SEMA5A: variants seen among roughly 807,000 people sequenced by gnomAD.
The protein encoded by SEMA5A is semaphorin-5A.
A neutral mutation model predicts 135.5 loss-of-function variants in SEMA5A; 55 were observed. That is an observed-to-expected ratio of 0.41 (90% CI 0.33 to 0.51). SEMA5A has a LOEUF of 0.51. Ranked by LOEUF, SEMA5A falls within the 20% of genes least tolerant of loss-of-function variation. SEMA5A has a pLI of 0.37. For synonymous variants in SEMA5A, 580 were observed against 546.5 expected, an observed-to-expected ratio of 1.06 and a Z score of -0.85; for missense variants, 1,290 against 1,419.9, an observed-to-expected ratio of 0.91 and a Z score of 1.47.
At chr5:9,166,235 G>T (rs1042040130) in intron 11 of SEMA5A, among the ~76,000 whole-genome samples, 2 of 152,134 alleles carry the variant, frequency 1.3e-5, no homozygotes, top group African/African-American at 4.8e-5. Context: ...TGACCCTGTT[G>T]GTTTCCAGAA....
intron 16 of SEMA5A, among the ~76,000 whole-genome samples, chr5:9,104,865 G>A (rs1297547964): frequency 6.6e-6 from 1 of 152,172 alleles, no homozygotes; most frequent in East Asian, 1.9e-4. Flanking sequence ...GTAAACATCT[G>A]TGTTTTAAGT....
intron 3 of SEMA5A, among the ~76,000 whole-genome samples, chr5:9,339,860 G>T (rs1259032914): frequency 6.6e-6 from 1 of 152,088 alleles, no homozygotes; most frequent in East Asian, 1.9e-4. Flanking sequence ...AGTAGAGAAT[G>T]GAAGGAAAAG....
chr5:9,520,989 C>T (rs767499235), intron 1 of SEMA5A, among the ~76,000 whole-genome samples: 2 of 152,184 alleles, frequency 1.3e-5, no homozygotes, highest in Non-Finnish European at 2.9e-5. Context: ...GCATCAGTGT[C>T]GCACATTAGC....
Position 9,035,894 on chromosome 5 carries a change from AAATTT to A in SEMA5A, c.*6998_*7002del, listed in dbSNP as rs1162616199. On this transcript the variant is annotated 3_prime_UTR_variant, in exon 23 of 23. Coordinates refer to ENST00000382496, the MANE Select transcript of SEMA5A (RefSeq NM_003966.3). ...TTAAGATACATTGTCTTTTAAAATT[AAATTT>A]AAGATCAGTAACTGTCTGCAAGCTT... 6.6e-6 allele frequency: 1 copy of A among 150,640 alleles called. No homozygotes were observed. The highest frequency in any genetic ancestry group is 1.5e-5 in the Non-Finnish European group (1 of 67,876). 9.3% of individuals were successfully genotyped at this position (150,640 alleles called of 1,614,324 possible).
chr5:9,370,727 G>T (rs1057167103), intron 3 of SEMA5A, among the ~76,000 whole-genome samples: 1 of 152,284 alleles, frequency 6.6e-6, no homozygotes, highest in African/African-American at 2.4e-5. Context: ...CATCACCACT[G>T]CTATCCACTG....
chr5:9,068,910 C>T lies in SEMA5A; in HGVS notation c.2074-2264G>A, dbSNP rs1332796802. On this transcript the variant is annotated intron_variant, in intron 16 of 22. Transcript: ENST00000382496. ...GCAAAATCAGCAAAGAGAAAATGCACATGGGGTAGAAGTGCAGACAAAGCC... is the reference window on the plus strand; with the variant it reads ...GCAAAATCAGCAAAGAGAAAATGCATATGGGGTAGAAGTGCAGACAAAGCC... 3.3e-5 allele frequency among the ~76,000 whole-genome samples: 5 copies of T among 152,280 alleles called. No individual in the cohort carries two copies. The Middle Eastern group carries it at 0.01, about 311-fold the overall frequency.
chr5:9,493,367 T>C (rs779512004), intron 1 of SEMA5A, among the ~76,000 whole-genome samples: 3 of 151,686 alleles, frequency 2.0e-5, no homozygotes, highest in Non-Finnish European at 4.4e-5. Flanking sequence ...CAAAAGGTTG[T>C]ACAATCCTAC....
intron 13 of SEMA5A, among the ~76,000 whole-genome samples, chr5:9,132,697 T>A (rs1004298873): frequency 6.6e-6 from 1 of 152,090 alleles, no homozygotes; most frequent in African/African-American, 2.4e-5. Flanking sequence ...ATGTCATTGA[T>A]CCAAGGTTTG....
At chr5:9,178,953 A>C (rs932761241) in intron 11 of SEMA5A, among the ~76,000 whole-genome samples, 14 of 152,246 alleles carry the variant, frequency 9.2e-5, no homozygotes, top group African/African-American at 2.9e-4. Context: ...GTTCTACATT[A>C]GACATGTCTC....
At chr5:9,048,892 TGTTA>T (rs774386819) in intron 21 of SEMA5A, among the ~76,000 whole-genome samples, 62 of 152,324 alleles carry the variant, frequency 4.1e-4, no homozygotes, top group African/African-American at 9.6e-4. Flanking sequence ...TGTTAGCAAC[TGTTA>T]GTTAGTGAAC....
In SEMA5A at chr5:9,040,961, G is replaced by A. The variant is rs1274463171; in HGVS notation, c.*1936C>T. ...ATGAAAATCCAGCCGAGGAACAATT[G>A]GAGAACCATCCGGCTAGATTTCCCC... On this transcript the variant is annotated 3_prime_UTR_variant, in exon 23 of 23. Coordinates refer to ENST00000382496, the MANE Select transcript of SEMA5A (RefSeq NM_003966.3). The A allele has an allele frequency of 6.6e-6, 1 of 152,182 alleles. No individual in the cohort carries two copies. The highest frequency in any genetic ancestry group is 2.4e-5 in the African/African-American group (1 of 41,436). The allele number at this position is 152,182 out of a possible 1,614,324, so 9.4% of individuals were successfully genotyped here. A position where few individuals can be genotyped will look rare whatever the true frequency, so the allele number is the denominator to read the frequency against.
chr5:9,055,470 T>C (rs543482608), intron 18 of SEMA5A, among the ~76,000 whole-genome samples: 107 of 152,216 alleles, frequency 7.0e-4, no homozygotes, highest in Non-Finnish European at 1.2e-3. Flanking sequence ...GCCAAAATCA[T>C]TCAGGGCATA....
At chr5:9,254,942 G>T (rs755767632) in intron 5 of SEMA5A, among the ~76,000 whole-genome samples, 2 of 152,172 alleles carry the variant, frequency 1.3e-5, no homozygotes, top group Non-Finnish European at 2.9e-5. Context: ...TGAATGCACT[G>T]TAAGCTGTAG....
At chr5:9,139,496 G>C (rs1454627162) in intron 12 of SEMA5A, among the ~76,000 whole-genome samples, 2 of 152,108 alleles carry the variant, frequency 1.3e-5, no homozygotes, top group African/African-American at 4.8e-5. Context: ...ATTTCTTTCA[G>C]TTGTGTCTTA....
chr5:9,394,773 CAA>C (rs540121819), intron 2 of SEMA5A, among the ~76,000 whole-genome samples: 114 of 152,036 alleles, frequency 7.5e-4, no homozygotes, highest in African/African-American at 2.7e-3. Context: ...TTGAAAAGAC[CAA>C]AGTTATAAGT....
intron 2 of SEMA5A, among the ~76,000 whole-genome samples, chr5:9,432,282 G>A (rs1757884321): frequency 6.6e-6 from 1 of 152,114 alleles, no homozygotes; most frequent in African/African-American, 2.4e-5. Context: ...GACATTATTA[G>A]GAATGACAGG....
chr5:9,355,598 C>T (rs1343568240), intron 3 of SEMA5A, among the ~76,000 whole-genome samples: 3 of 151,976 alleles, frequency 2.0e-5, no homozygotes, highest in East Asian at 1.9e-4. Context: ...GATGTCTACG[C>T]GGAGGTCTTC....
chr5:9,258,803 C>CTTTTTTTTTTTTTTTTT (rs748703578), intron 5 of SEMA5A, among the ~76,000 whole-genome samples: 9 of 48,984 alleles, frequency 1.8e-4, no homozygotes, highest in Admixed American at 3.7e-4. Flanking sequence ...TTCTTTCTTT[C>CTTTTTTTTTTTTTTTTT]TTTTTTTTTT....
intron 5 of SEMA5A, among the ~76,000 whole-genome samples, chr5:9,283,148 T>C (rs1205488391): frequency 6.6e-6 from 1 of 152,190 alleles, no homozygotes; most frequent in Non-Finnish European, 1.5e-5. Flanking sequence ...TAGTTTCCTT[T>C]TGCTGTCTAA....
Sources: allele counts gnomAD v4.1 joint callset (sites outside exome capture counted in the v4.1 genomes callset), GRCh38; gene constraint gnomAD v4.1.1; transcripts MANE v1.5; gene names NCBI Gene and HGNC (gene_info 2026-07-23, HGNC 2026-07-21).